The following CAMSAP3 variants were observed in gnomAD, a reference collection of about 807,000 sequenced individuals.
CAMSAP3 encodes calmodulin regulated spectrin associated protein family member 3.
In CAMSAP3, 34 loss-of-function variants were observed where a neutral mutation model predicts 112.5. That is an observed-to-expected ratio of 0.30 (90% CI 0.23 to 0.40). The LOEUF is 0.40. Ranked by LOEUF, CAMSAP3 falls within the 10% of genes least tolerant of loss-of-function variation. The pLI, the probability that CAMSAP3 is intolerant of heterozygous loss-of-function variation, is 1.00. For missense variants in CAMSAP3, 1,602 were observed against 1,770.3 expected (o/e 0.90, Z 1.71); for synonymous variants, 868 against 799.8 (o/e 1.09, Z -1.44).
At chr19:7,596,860 C>G (rs549585125) in intron 1 of CAMSAP3, among the ~76,000 whole-genome samples, 4 of 152,178 alleles carry the variant, frequency 2.6e-5, no homozygotes, top group African/African-American at 9.6e-5. Context: ...CCGCTCCTCC[C>G]GGCTGCGGGG....
chr19:7,602,508 G>A (rs1380620152), intron 1 of CAMSAP3, among the ~76,000 whole-genome samples: 1 of 152,228 alleles, frequency 6.6e-6, no homozygotes, highest in South Asian at 2.1e-4. Flanking sequence ...AGAGAGGAGG[G>A]TTTGGATTTG....
intron 1 of CAMSAP3, among the ~76,000 whole-genome samples, chr19:7,599,423 T>A (rs796148767): frequency 2.2e-5 from 1 of 45,662 alleles, no homozygotes; most frequent in African/African-American, 9.4e-5. Context: ...CATCCATCCA[T>A]CCACCCACCT....
chr19:7,613,064 G>C lies in CAMSAP3; in HGVS notation c.2571G>C (p.Glu857Asp). 5 of 1,548,416 alleles carry C rather than the reference G, an allele frequency of 3.2e-6. No homozygotes were observed. Among genetic ancestry groups the C allele is most frequent in the Non-Finnish European group, 8.7e-7 (1 of 1,146,996 alleles). Residue 857 changes from glutamate (E) to aspartate (D), a missense_variant, in exon 11 of 17, where the codon GAG (glutamate) becomes GAC (aspartate). By Grantham distance (45) the Glu-to-Asp change is conservative (BLOSUM62 2). Transcript: ENST00000160298. ...PLGSLADPAAEDEGDGSPAGA... is the reference protein window; with the variant it reads ...PLGSLADPAADDEGDGSPAGA... ...GCAGCCTGGCAGATCCCGCCGCCGA[G>C]GACGAGGGAGACGGGAGCCCCGCTG...
chr19:7,611,906 C>T lies in CAMSAP3; in HGVS notation c.1413C>T (p.Pro471=). ...TGCAGATCATCCACAGTGCCGAGCC[C>T]CGGCTCCTCCCAGATGGGGCGGCCG... is the stretch of plus-strand genomic sequence containing the variant. ...EALQIIHSAE[P]RLLPDGAADG... The change falls in exon 11 of 17, where the codon CCC becomes CCT. Residue 471 remains proline (P), a synonymous_variant. Coordinates refer to ENST00000160298, the MANE Select transcript of CAMSAP3 (RefSeq NM_020902.2). The surrounding 1 kb of genome is among the most constrained non-coding windows in gnomAD (Gnocchi z 6.9). 6.3e-7 allele frequency: 1 copy of T among 1,581,632 alleles called. No individual in the cohort carries two copies. Among genetic ancestry groups the T allele is most frequent in the South Asian group, 1.1e-5 (1 of 87,662 alleles).
rs557871243 is a variant in CAMSAP3 at position 7,598,645 on chromosome 19, G to A, written c.148+2495G>A. On this transcript the variant is annotated intron_variant, in intron 1 of 16. Coordinates refer to ENST00000160298, the MANE Select transcript of CAMSAP3 (RefSeq NM_020902.2). ...TCTACTAAAAATCCAAAAATTAGCCGGGAATGATGGCACACGTCTGTAGTC... is the reference window on the plus strand; with the variant it reads ...TCTACTAAAAATCCAAAAATTAGCCAGGAATGATGGCACACGTCTGTAGTC... 5.9e-5 allele frequency among the ~76,000 whole-genome samples: 9 copies of A among 152,214 alleles called. No individual in the cohort carries two copies. The South Asian group carries it at 6.2e-4, about 11-fold the overall frequency.
At position 7,596,092 on chromosome 19, in the gene CAMSAP3, G is replaced by C; in HGVS notation, c.90G>C (p.Ser30=). The C allele has an allele frequency of 7.9e-7, 1 of 1,273,646 alleles. No homozygotes were observed. Among genetic ancestry groups the C allele is most frequent in the Non-Finnish European group, 1.0e-6 (1 of 981,436 alleles). The allele number at this position is 1,273,646 out of a possible 1,614,324, so 78.9% of individuals were successfully genotyped here. A position where few individuals can be genotyped will look rare whatever the true frequency, so the allele number is the denominator to read the frequency against. Residue 30 remains serine, a synonymous_variant, in exon 1 of 17, where the codon TCG becomes TCC. Transcript: ENST00000160298. ...EIKSLDQYDF[S]RAKAAASLAW... ...AGTCGCTGGACCAGTACGATTTCTCGCGGGCCAAGGCGGCGGCCAGCCTGG... is the reference window on the plus strand; with the variant it reads ...AGTCGCTGGACCAGTACGATTTCTCCCGGGCCAAGGCGGCGGCCAGCCTGG...
intron 1 of CAMSAP3, among the ~76,000 whole-genome samples, chr19:7,600,839 T>TACCCATTCATCCATCCATCCATCCACCC (rs1170755151): frequency 1.6e-5 from 1 of 61,586 alleles, no homozygotes; most frequent in African/African-American, 6.5e-5. Flanking sequence ...TCCATCCACC[T>TACCCATTCATCCATCCATCCATCCACCC]ACCCATTCAT....
intron 1 of CAMSAP3, among the ~76,000 whole-genome samples, chr19:7,599,557 T>C (rs1377768769): frequency 1.4e-4 from 4 of 27,966 alleles, no homozygotes; most frequent in Non-Finnish European, 3.3e-4. Flanking sequence ...CATTCATTCA[T>C]CCATCCATCC....
At chr19:7,602,951 CAGGG>C (rs1430634809) in intron 1 of CAMSAP3, among the ~76,000 whole-genome samples, 1 of 148,892 alleles carries the variant, frequency 6.7e-6, no homozygotes, top group African/African-American at 2.5e-5. Flanking sequence ...GCTGGGAGGG[CAGGG>C]AGGAAGTGAG....
At chr19:7,604,169 A>G (rs2030093424) in intron 1 of CAMSAP3, among the ~76,000 whole-genome samples, 1 of 152,080 alleles carries the variant, frequency 6.6e-6, no homozygotes, top group Non-Finnish European at 1.5e-5. Flanking sequence ...TTAGAACAAG[A>G]GCTGGACAGA....
rs1279515987 is a variant in CAMSAP3, at chr19:7,612,351, C to T, written c.1858C>T (p.Arg620Trp). The T allele has an allele frequency of 1.2e-6, 2 of 1,603,504 alleles. No individual in the cohort carries two copies. The highest frequency in any genetic ancestry group is 2.2e-5 in the East Asian group (1 of 44,614). The part of the protein sequence containing the change: ...KRRAIEAQKR[R>W]IEAIFAKHRQ... ...CAGAGCCATCGAGGCTCAGAAGCGA[C>T]GGATTGAGGCCATATTCGCCAAGCA... The change falls in exon 11 of 17, where the codon CGG (arginine) becomes TGG (tryptophan). Residue 620 changes from arginine (R) to tryptophan (W), a missense_variant. Around this residue, in one of 6 missense-constraint regions of CAMSAP3, gnomAD observed 1,100 missense variants for 1,135.7 expected, o/e 0.97. Transcript: ENST00000160298.
In CAMSAP3 at chr19:7,607,716, G is replaced by A. The variant is rs1335113429; in HGVS notation, c.622-410G>A. ...GCAGTCAGGGAGCTGGACGGCCGGG[G>A]CTCAGGACCAGGGTCAGGGCTACCC... On this transcript the variant is annotated intron_variant, in intron 4 of 16. Transcript: ENST00000160298. This position sits in a 1 kb window ranked among gnomAD's most constrained non-coding sequence, Gnocchi z 4.9. 4.3e-6 allele frequency: 2 copies of A among 459,882 alleles called. No individual in the cohort carries two copies. The highest frequency in any genetic ancestry group is 4.0e-6 in the Non-Finnish European group (1 of 252,326). The allele number at this position is 459,882 out of a possible 1,614,324, so 28.5% of individuals were successfully genotyped here. A position where few individuals can be genotyped will look rare whatever the true frequency, so the allele number is the denominator to read the frequency against.
Position 7,612,370 on chromosome 19 carries a change from C to G in CAMSAP3, c.1877C>G (p.Ala626Gly), listed in dbSNP as rs1451199516. 2.5e-6 allele frequency: 4 copies of G among 1,600,374 alleles called. No individual in the cohort carries two copies. The highest frequency in any genetic ancestry group is 3.4e-6 in the Non-Finnish European group (4 of 1,176,390). ...AQKRRIEAIF[A>G]KHRQRLGKSA... Reference sequence around the variant, plus strand: ...AAGCGACGGATTGAGGCCATATTCGCCAAGCACCGCCAGCGGCTGGGCAAA... The same window carrying G: ...AAGCGACGGATTGAGGCCATATTCGGCAAGCACCGCCAGCGGCTGGGCAAA... The change falls in exon 11 of 17, where the codon GCC becomes GGC. Residue 626 changes from alanine to glycine, a missense_variant. By Grantham distance (60) the Ala-to-Gly change is moderately conservative. Around this residue, in one of 6 missense-constraint regions of CAMSAP3, gnomAD observed 1,100 missense variants for 1,135.7 expected, o/e 0.97. Transcript: ENST00000160298.
intron 14 of CAMSAP3, among the ~76,000 whole-genome samples, chr19:7,616,946 T>TG (rs1188844314): frequency 4.7e-4 from 61 of 131,026 alleles, no homozygotes; most frequent in Admixed American, 7.5e-4. Context: ...TTTTTTTTTT[T>TG]TTTTTTTTTT....
chr19:7,612,914 C>A lies in CAMSAP3; in HGVS notation c.2421C>A (p.Leu807=), dbSNP rs765681732. 9 of 1,609,732 alleles carry A rather than the reference C, an allele frequency of 5.6e-6. No homozygotes were observed. The Admixed American group carries it at 1.0e-4, about 18-fold the overall frequency. The change falls in exon 11 of 17, where the codon CTC becomes CTA. Residue 807 remains leucine (L), a synonymous_variant. Transcript: ENST00000160298. ...VLTPPHDVDS[L]PHLRKFSPSQ... ...CGCCACCCCACGACGTAGACAGCCT[C>A]CCCCACCTGCGCAAGTTCTCGCCGA...
At chr19:7,606,981 G>T (rs1408190230) in intron 4 of CAMSAP3, among the ~76,000 whole-genome samples, 2 of 152,152 alleles carry the variant, frequency 1.3e-5, no homozygotes, top group East Asian at 3.9e-4. Flanking sequence ...TGTGAACCAA[G>T]AGAAGGGTAG....
In CAMSAP3 at chr19:7,608,278, T is replaced by G; in HGVS notation, c.760+14T>G. 6.2e-7 allele frequency: 1 copy of G among 1,606,528 alleles called. No individual in the cohort carries two copies. Among genetic ancestry groups the G allele is most frequent in the Non-Finnish European group, 8.5e-7 (1 of 1,174,956 alleles). The stretch of plus-strand genomic sequence containing the variant: ...TTCGACTTGAGGGTGAGTAAATGGA[T>G]GTGGAACAGATCTTGTGCCGGGGAG... On this transcript the variant is annotated intron_variant, in intron 5 of 16. Transcript: ENST00000160298.
chr19:7,605,867 C>T (rs1408944487), intron 2 of CAMSAP3, among the ~76,000 whole-genome samples: 3 of 150,568 alleles, frequency 2.0e-5, no homozygotes, highest in Non-Finnish European at 4.4e-5. Context: ...TCCCACCAGT[C>T]CAGGCTCCTC....
chr19:7,612,788 C>G lies in CAMSAP3; in HGVS notation c.2295C>G (p.Ala765=). The change falls in exon 11 of 17, where the codon GCC becomes GCG. Residue 765 remains alanine (A), a synonymous_variant. Transcript: ENST00000160298. ...CCAGCCCCGCCCGGCGAGTCCCGGC[C>G]ACCCGGCGCAGCCCTGGGCCCGGGC... ...ASPSPARRVP[A]TRRSPGPGPS... is the part of the protein sequence containing the mutation. 6.5e-7 allele frequency: 1 copy of G among 1,535,724 alleles called. No individual in the cohort carries two copies. Among genetic ancestry groups the G allele is most frequent in the Admixed American group, 2.0e-5 (1 of 50,882 alleles).
Sources: gnomAD v4.1 joint callset for allele counts (sites outside exome capture counted in the v4.1 genomes callset) on GRCh38, gnomAD v4.1.1 for gene constraint, gnomAD v4.1.1 regional missense constraint, Gnocchi (gnomAD v3.1) non-coding constraint, MANE v1.5 for transcripts, NCBI Gene and HGNC (gene_info 2026-07-23, HGNC 2026-07-21) for gene names.